NCAPG2: variants seen among roughly 807,000 people sequenced by gnomAD.
NCAPG2 encodes the protein condensin-2 complex subunit G2.
A neutral mutation model predicts 141.1 loss-of-function variants in NCAPG2; 53 were observed. That is an observed-to-expected ratio of 0.38 (90% CI 0.30 to 0.47). The LOEUF (loss-of-function observed/expected upper bound fraction) is 0.47. Among genes scored for constraint, NCAPG2 ranks in the 20% least tolerant of loss-of-function variants. The pLI is 0.99. For missense variants in NCAPG2, 1,087 were observed against 1,389.0 expected (o/e 0.78, Z 3.46); for synonymous variants, 499 against 490.7 (o/e 1.02, Z -0.22).
At chr7:158,639,368 A>G (rs1219082622) in intron 27 of NCAPG2, among the ~76,000 whole-genome samples, 1 of 152,170 alleles carries the variant, frequency 6.6e-6, no homozygotes, top group African/African-American at 2.4e-5. Flanking sequence ...TTGGCCTCCC[A>G]AAGTGCTGGG....
At chr7:158,699,859 T>G (rs1194601446) in intron 2 of NCAPG2, among the ~76,000 whole-genome samples, 1 of 152,236 alleles carries the variant, frequency 6.6e-6, no homozygotes, top group East Asian at 1.9e-4. Context: ...TTCCTGTTTT[T>G]AACATGTCAC....
intron 24 of NCAPG2, among the ~76,000 whole-genome samples, chr7:158,649,059 T>C (rs1016985839): frequency 6.6e-6 from 1 of 152,232 alleles, no homozygotes; most frequent in Non-Finnish European, 1.5e-5. Context: ...TTTTAAAAGA[T>C]AGGCTATGCA....
Position 158,675,671 on chromosome 7 carries a change from G to A in NCAPG2, c.1147-15C>T. The A allele has an allele frequency of 6.2e-7, 1 of 1,601,220 alleles. No individual in the cohort carries two copies. Among genetic ancestry groups the A allele is most frequent in the South Asian group, 1.1e-5 (1 of 88,246 alleles). ...TCTAAAAGGCTCTATAAGTAGGAGGGGAGAAAGGCTTAAAAACCTTGACTT... is the reference window on the plus strand; with the variant it reads ...TCTAAAAGGCTCTATAAGTAGGAGGAGAGAAAGGCTTAAAAACCTTGACTT... On this transcript the variant is annotated splice_polypyrimidine_tract_variant and intron_variant, in intron 11 of 27. Coordinates refer to ENST00000356309, the MANE Select transcript of NCAPG2 (RefSeq NM_017760.7).
intron 7 of NCAPG2, among the ~76,000 whole-genome samples, chr7:158,686,831 T>C (rs1054189300): frequency 6.6e-6 from 1 of 151,390 alleles, no homozygotes; most frequent in East Asian, 1.9e-4. Context: ...CAAAAGAGAG[T>C]TGTGAGGATT....
rs1170541180 is a variant in NCAPG2 at position 158,704,122 on chromosome 7, A to T, written c.-40+602T>A. On this transcript the variant is annotated intron_variant, in intron 1 of 27. Transcript: ENST00000356309. ...AGTGCCCATGCCCAGGACTGAGGGG[A>T]CGCTCTCTGAGGGCAGTGCCCATGC... 5.2e-4 allele frequency among the ~76,000 whole-genome samples: 64 copies of T among 122,686 alleles called. No homozygotes were observed. In the East Asian group the frequency reaches 0.015, roughly 29 times the overall value. The allele number at this position is 122,686 out of a possible 152,430, so 80.5% of individuals were successfully genotyped here.
chr7:158,646,393 G>C (rs1831019064), intron 25 of NCAPG2, 67 bp downstream of exon 25: 3 of 1,178,826 alleles, frequency 2.5e-6, no homozygotes, highest in Non-Finnish European at 2.4e-6. Context: ...AAAAGGAATA[G>C]AACAAAAGCT....
At position 158,672,398 on chromosome 7, in the gene NCAPG2, A is replaced by G. The variant is rs923238402; in HGVS notation, c.1327-732T>C. On this transcript the variant is annotated intron_variant, in intron 12 of 27. Transcript: ENST00000356309. ...CACTCCGTTGCCCAGGCTGGAGTGCAGGGGCACAATCTTGGTTCACTGCAA... is the reference window on the plus strand; with the variant it reads ...CACTCCGTTGCCCAGGCTGGAGTGCGGGGGCACAATCTTGGTTCACTGCAA... Among the ~76,000 whole-genome samples the G allele has an allele frequency of 3.4e-5, 4 of 116,024 alleles. No homozygotes were observed. The Admixed American group carries it at 3.7e-4, about 11-fold the overall frequency. The allele number at this position is 116,024 out of a possible 152,430, so 76.1% of individuals were successfully genotyped here.
intron 1 of NCAPG2, among the ~76,000 whole-genome samples, chr7:158,702,820 T>C (rs1363967055): frequency 6.6e-6 from 1 of 152,164 alleles, no homozygotes; most frequent in Non-Finnish European, 1.5e-5. Context: ...GTTTAATGAC[T>C]CCCGAAATAA....
chr7:158,693,870 C>T (rs1254034614), intron 2 of NCAPG2, among the ~76,000 whole-genome samples: 1 of 152,208 alleles, frequency 6.6e-6, no homozygotes, highest in Non-Finnish European at 1.5e-5. Context: ...CCACCTTCTA[C>T]TCATTCCTCA....
rs764399028 is a variant in NCAPG2 at position 158,655,323 on chromosome 7, C to G, written c.2505+16G>C. 1.2e-6 allele frequency: 2 copies of G among 1,614,094 alleles called. No individual in the cohort carries two copies. Among genetic ancestry groups the G allele is most frequent in the Non-Finnish European group, 1.7e-6 (2 of 1,179,990 alleles). On this transcript the variant is annotated intron_variant, in intron 20 of 27. Transcript: ENST00000356309. ...CACTGTGTATCATCCTAATAGAGGG[C>G]CAGGAGCAGGCACACCTTGTGCTGA... is the stretch of plus-strand genomic sequence containing the variant.
At chr7:158,674,288 ATTT>A (rs34536237) in intron 12 of NCAPG2, among the ~76,000 whole-genome samples, 15 of 114,458 alleles carry the variant, frequency 1.3e-4, no homozygotes, top group East Asian at 2.9e-4. Flanking sequence ...AAAAAAAAAA[ATTT>A]TTTTTTTTTT....
chr7:158,674,912 G>A (rs1009522760), intron 12 of NCAPG2, among the ~76,000 whole-genome samples: 2 of 152,194 alleles, frequency 1.3e-5, no homozygotes, highest in African/African-American at 4.8e-5. Context: ...TGCTTTTGCA[G>A]CCTGGGTAGC....
intron 16 of NCAPG2, among the ~76,000 whole-genome samples, chr7:158,659,784 A>T (rs1832332334): frequency 6.6e-6 from 1 of 152,194 alleles, no homozygotes; most frequent in Non-Finnish European, 1.5e-5. Flanking sequence ...ACAGTGACCC[A>T]TCCTTACCCC....
intron 11 of NCAPG2, among the ~76,000 whole-genome samples, chr7:158,677,853 C>T (rs958680077): frequency 6.6e-5 from 10 of 152,128 alleles, no homozygotes; most frequent in Non-Finnish European, 1.2e-4. Flanking sequence ...CTCTGTCACC[C>T]AGGCTGGAGT....
chr7:158,667,316 ACTGTGT>A (rs1833074515), intron 13 of NCAPG2: 5 of 138,504 alleles, frequency 3.6e-5, no homozygotes, highest in Non-Finnish European at 3.7e-5. Flanking sequence ...CTTAGCCGCT[ACTGTGT>A]CCCTCCGCTA....
At chr7:158,660,139 A>G (rs901633134) in intron 16 of NCAPG2, among the ~76,000 whole-genome samples, 2 of 152,022 alleles carry the variant, frequency 1.3e-5, no homozygotes, top group Non-Finnish European at 2.9e-5. Context: ...TGTTACAAGT[A>G]TACTGATAAT....
At chr7:158,642,002 A>C (rs188866318) in intron 27 of NCAPG2, among the ~76,000 whole-genome samples, 9 of 152,340 alleles carry the variant, frequency 5.9e-5, no homozygotes, top group African/African-American at 1.7e-4. Flanking sequence ...CTGAGCCATA[A>C]GACACACCTT....
intron 22 of NCAPG2, among the ~76,000 whole-genome samples, chr7:158,652,855 ATATACC>A: frequency 6.6e-6 from 1 of 152,364 alleles, no homozygotes; most frequent in Non-Finnish European, 1.5e-5. Context: ...AAGAGAACAG[ATATACC>A]TATACAATGA....
At chr7:158,638,815 G>C (rs1262295402) in intron 27 of NCAPG2, among the ~76,000 whole-genome samples, 3 of 152,132 alleles carry the variant, frequency 2.0e-5, no homozygotes, top group Non-Finnish European at 2.9e-5. Context: ...AACGTGAACT[G>C]ATCAGGTGGC....
Sources: allele counts gnomAD v4.1 joint callset (sites outside exome capture counted in the v4.1 genomes callset), GRCh38; gene constraint gnomAD v4.1.1; transcripts MANE v1.5; gene names NCBI Gene and HGNC (gene_info 2026-07-23, HGNC 2026-07-21).